The following TCF12 variants were observed in gnomAD, a reference collection of about 807,000 sequenced individuals.
The protein encoded by TCF12 is transcription factor 12.
Under a neutral mutation model 86.0 loss-of-function variants are expected in TCF12, and 45 were observed. The ratio of observed to expected loss-of-function variants is 0.52; its 90% CI spans 0.41 to 0.67. The LOEUF is 0.67. Among genes scored for constraint, TCF12 ranks in the 30% least tolerant of loss-of-function variants. TCF12 has a pLI of 0.00. For missense variants in TCF12, 881 were observed against 859.9 expected (o/e 1.02, Z -0.31); for synonymous variants, 330 against 299.6 (o/e 1.10, Z -1.05).
chr15:57,137,406 T>G (rs2052630787), intron 5 of TCF12, among the ~76,000 whole-genome samples: 1 of 152,244 alleles, frequency 6.6e-6, no homozygotes, highest in Non-Finnish European at 1.5e-5. Flanking sequence ...TTTTCCACTT[T>G]GGTAAAAGTT....
At chr15:57,221,940 A>G (rs1597408705) in intron 8 of TCF12, among the ~76,000 whole-genome samples, 1 of 152,180 alleles carries the variant, frequency 6.6e-6, no homozygotes, top group South Asian at 2.1e-4. Flanking sequence ...GCCTTAAAAT[A>G]AAAACTAGCA....
intron 19 of TCF12, among the ~76,000 whole-genome samples, chr15:57,279,130 G>T (rs913317456): frequency 2.6e-5 from 4 of 152,060 alleles, no homozygotes; most frequent in Non-Finnish European, 5.9e-5. Context: ...CAGTAGCTGG[G>T]ACTACAGGTG....
chr15:57,002,972 G>A (rs1823073439), intron 3 of TCF12, among the ~76,000 whole-genome samples: 1 of 152,138 alleles, frequency 6.6e-6, no homozygotes, highest in African/African-American at 2.4e-5. Flanking sequence ...TAAAACTACT[G>A]TACATCTTTC....
intron 5 of TCF12, among the ~76,000 whole-genome samples, chr15:57,125,507 T>C (rs924371336): frequency 2.0e-5 from 3 of 152,102 alleles, no homozygotes; most frequent in South Asian, 2.1e-4. Flanking sequence ...AATAAATAAA[T>C]AGAAAGTTAT....
At chr15:56,928,473 G>A (rs1314859493) in intron 3 of TCF12, among the ~76,000 whole-genome samples, 2 of 152,042 alleles carry the variant, frequency 1.3e-5, no homozygotes, top group African/African-American at 4.8e-5. Flanking sequence ...GAAATGTTTT[G>A]TCTGTGGTGT....
intron 3 of TCF12, among the ~76,000 whole-genome samples, chr15:57,051,494 T>C (rs962840895): frequency 2.6e-5 from 4 of 151,070 alleles, no homozygotes; most frequent in African/African-American, 9.7e-5. Context: ...CTCTCCTTCT[T>C]TTTTTTTTAA....
In TCF12 at chr15:57,287,324, AC is replaced by A. The variant is rs1360838205; in HGVS notation, c.*1182del. ...CTAATGGAATACAAGAGCAATGGTCACCCGTATTTCCTTATCCTAGCCTTTA... is the reference window on the plus strand; with the variant it reads ...CTAATGGAATACAAGAGCAATGGTCACCGTATTTCCTTATCCTAGCCTTTA... On this transcript the variant is annotated 3_prime_UTR_variant, in exon 21 of 21. Transcript: ENST00000333725. The A allele has an allele frequency of 6.5e-6, 1 of 152,678 alleles. No individual in the cohort carries two copies. Among genetic ancestry groups the A allele is most frequent in the East Asian group, 1.9e-4 (1 of 5,206 alleles). 9.5% of individuals were successfully genotyped at this position (152,678 alleles called of 1,614,324 possible).
rs1303881839 is a variant in TCF12, at chr15:57,286,175, G to GC, written c.*31dup. On this transcript the variant is annotated 3_prime_UTR_variant, in exon 21 of 21. Coordinates refer to ENST00000333725, the MANE Select transcript of TCF12 (RefSeq NM_207037.2). ...GCCACAGTTCCAGAGTTATCAGTAG[G>GC]CTAGATAGAAGGTGACCTCTCCTCA... 3.6e-5 allele frequency: 6 copies of GC among 167,006 alleles called. No homozygotes were observed. The highest frequency in any genetic ancestry group is 3.5e-4 in the Admixed American group (6 of 17,368). 10.3% of individuals were successfully genotyped at this position (167,006 alleles called of 1,614,324 possible).
chr15:57,011,100 A>G (rs1159027046), intron 3 of TCF12, among the ~76,000 whole-genome samples: 1 of 152,178 alleles, frequency 6.6e-6, no homozygotes, highest in Non-Finnish European at 1.5e-5. Context: ...CACTGTAGCA[A>G]TCATTTTTTA....
chr15:57,267,102 G>A (rs2060906242), intron 18 of TCF12, among the ~76,000 whole-genome samples: 2 of 152,082 alleles, frequency 1.3e-5, no homozygotes, highest in South Asian at 2.1e-4. Context: ...CTATTTCTTG[G>A]CATACATATT....
intron 6 of TCF12, among the ~76,000 whole-genome samples, chr15:57,190,326 G>T (rs1047391170): frequency 9.9e-5 from 15 of 152,212 alleles, no homozygotes; most frequent in Admixed American, 8.5e-4. Flanking sequence ...TGGAGGCAGA[G>T]ATTGGGCTAT....
intron 4 of TCF12, among the ~76,000 whole-genome samples, chr15:57,065,902 G>T (rs2068835528): frequency 6.6e-6 from 1 of 152,084 alleles, no homozygotes; most frequent in Admixed American, 6.6e-5. Context: ...AACCACATAT[G>T]TATTTCTACC....
At chr15:57,285,167 A>C (rs1293626614) in intron 20 of TCF12, among the ~76,000 whole-genome samples, 1 of 152,216 alleles carries the variant, frequency 6.6e-6, no homozygotes, top group African/African-American at 2.4e-5. Context: ...CAAAATGGCT[A>C]AGACATGACC....
chr15:56,937,813 A>T (rs1277114557), intron 3 of TCF12, among the ~76,000 whole-genome samples: 1 of 152,072 alleles, frequency 6.6e-6, no homozygotes, highest in Non-Finnish European at 1.5e-5. Context: ...AAGATGATAG[A>T]TGACTTTTGT....
chr15:57,243,787 T>C (rs1244163400), intron 13 of TCF12, among the ~76,000 whole-genome samples: 2 of 152,216 alleles, frequency 1.3e-5, no homozygotes, highest in Non-Finnish European at 2.9e-5. Flanking sequence ...TTGTGATCAT[T>C]TCTAAGAACA....
intron 6 of TCF12, among the ~76,000 whole-genome samples, chr15:57,173,817 C>T (rs2055707989): frequency 6.6e-6 from 1 of 151,738 alleles, no homozygotes; most frequent in Admixed American, 6.6e-5. Flanking sequence ...GAGTGATTCT[C>T]CTGCCTTAGC....
chr15:57,161,658 A>G (rs1213358875), intron 5 of TCF12, among the ~76,000 whole-genome samples: 2 of 152,224 alleles, frequency 1.3e-5, no homozygotes, highest in African/African-American at 2.4e-5. Context: ...AGTGAACTTG[A>G]ATGGGAAAAA....
intron 8 of TCF12, among the ~76,000 whole-genome samples, chr15:57,221,977 A>AGT (rs1448776994): frequency 6.6e-6 from 1 of 152,078 alleles, no homozygotes; most frequent in Non-Finnish European, 1.5e-5. Flanking sequence ...TAGACTCTTA[A>AGT]GTGAAATATA....
chr15:57,022,342 T>A (rs1236532885), intron 3 of TCF12, among the ~76,000 whole-genome samples: 2 of 152,096 alleles, frequency 1.3e-5, no homozygotes, highest in Middle Eastern at 3.2e-3. Flanking sequence ...CTTGTGATAG[T>A]TTGCTGACAA....
Sources: allele counts gnomAD v4.1 joint callset (sites outside exome capture counted in the v4.1 genomes callset), GRCh38; gene constraint gnomAD v4.1.1; transcripts MANE v1.5; gene names NCBI Gene and HGNC (gene_info 2026-07-23, HGNC 2026-07-21).